The following SLC25A48 variants were observed in gnomAD, a reference collection of about 807,000 sequenced individuals.
SLC25A48 encodes the protein CTC-321K16.1.
A neutral mutation model predicts 32.2 loss-of-function variants in SLC25A48; 29 were observed. The observed-to-expected ratio is 0.90, with a 90% CI of 0.67 to 1.23. SLC25A48 has a LOEUF of 1.23. Ranked by LOEUF, SLC25A48 falls within the 50% of genes most tolerant of loss-of-function variation. SLC25A48 has a pLI of 0.00. For missense variants in SLC25A48, 399 were observed against 422.7 expected, an observed-to-expected ratio of 0.94 and a Z score of 0.49; for synonymous variants, 164 against 172.3, an observed-to-expected ratio of 0.95 and a Z score of 0.38.
intron 3 of SLC25A48, among the ~76,000 whole-genome samples, chr5:135,704,587 GT>G (rs1754466706): frequency 6.6e-6 from 1 of 152,110 alleles, no homozygotes; most frequent in Non-Finnish European, 1.5e-5. Flanking sequence ...TTTATTATTT[GT>G]TTGTTTAATA....
chr5:135,603,749 T>C (rs1479981245), intron 1 of SLC25A48, among the ~76,000 whole-genome samples: 1 of 152,204 alleles, frequency 6.6e-6, no homozygotes, highest in Non-Finnish European at 1.5e-5. Context: ...GGAGAAGGCG[T>C]TCCTTTAGCA....
At position 135,886,588 on chromosome 5, in the gene SLC25A48, AATATATATATATATATAT is replaced by A. The variant is rs147005349; in HGVS notation, c.*8-1412_*8-1395del. Among the ~76,000 whole-genome samples the A allele has an allele frequency of 3.1e-4, 11 of 35,444 alleles. No individual in the cohort carries two copies. The East Asian group carries it at 4.3e-3, about 14-fold the overall frequency. 23.3% of individuals were successfully genotyped at this position (35,444 alleles called of 152,430 possible). On this transcript the variant is annotated intron_variant, in intron 7 of 7. Transcript: ENST00000681962. ...AACACATTATGGTTCTATTTAACCAAATATATATATATATATATATATATATATATATATATATATATA... is the reference window on the plus strand; with the variant it reads ...AACACATTATGGTTCTATTTAACCAAATATATATATATATATATATATATA...
chr5:135,858,007 A>G (rs566781997), intron 4 of SLC25A48, among the ~76,000 whole-genome samples: 1 of 152,282 alleles, frequency 6.6e-6, no homozygotes, highest in African/African-American at 2.4e-5. Context: ...TCCTTCCACC[A>G]TGGGGAGGTG....
intron 3 of SLC25A48, among the ~76,000 whole-genome samples, chr5:135,661,471 A>G (rs549194986): frequency 1.3e-5 from 2 of 152,188 alleles, no homozygotes; most frequent in South Asian, 4.1e-4. Context: ...AGCCTTGGGT[A>G]AGGTGAGCAA....
At chr5:135,759,014 TGAATAA>T (rs1755996237) in intron 3 of SLC25A48, among the ~76,000 whole-genome samples, 1 of 151,738 alleles carries the variant, frequency 6.6e-6, no homozygotes, top group Non-Finnish European at 1.5e-5. Flanking sequence ...ATCTATGGTA[TGAATAA>T]TATCAAGTGT....
chr5:135,866,032 A>G (rs929348582), intron 4 of SLC25A48, among the ~76,000 whole-genome samples: 4 of 152,176 alleles, frequency 2.6e-5, no homozygotes, highest in Admixed American at 6.5e-5. Flanking sequence ...GTGCCTTGAA[A>G]TGACTCCCAC....
chr5:135,743,472 C>A (rs1391632695), intron 3 of SLC25A48, among the ~76,000 whole-genome samples: 2 of 152,040 alleles, frequency 1.3e-5, no homozygotes, highest in African/African-American at 4.8e-5. Flanking sequence ...GACAGCCCCC[C>A]ACAACAAAGA....
chr5:135,821,945 C>T (rs1374351812), intron 4 of SLC25A48: 1 of 152,312 alleles, frequency 6.6e-6, no homozygotes, highest in Non-Finnish European at 1.5e-5. Context: ...TCACTAGAGA[C>T]TGTGAGTGGC....
chr5:135,615,028 C>T (rs1752154710), intron 1 of SLC25A48, among the ~76,000 whole-genome samples: 1 of 152,232 alleles, frequency 6.6e-6, no homozygotes. Flanking sequence ...GCCATGCTTC[C>T]TGTGCAGCCT....
At chr5:135,732,268 G>A (rs1237616295) in intron 3 of SLC25A48, among the ~76,000 whole-genome samples, 1 of 152,160 alleles carries the variant, frequency 6.6e-6, no homozygotes, top group Non-Finnish European at 1.5e-5. Flanking sequence ...AAACTGCTTG[G>A]GTGATTTGAC....
chr5:135,787,005 T>C (rs1756864640), intron 3 of SLC25A48, among the ~76,000 whole-genome samples: 1 of 152,056 alleles, frequency 6.6e-6, no homozygotes, highest in African/African-American at 2.4e-5. Flanking sequence ...TGTGATATTA[T>C]TTGTACTCTC....
intron 4 of SLC25A48, among the ~76,000 whole-genome samples, chr5:135,864,730 GT>G (rs1761060430): frequency 6.6e-6 from 1 of 152,216 alleles, no homozygotes; most frequent in African/African-American, 2.4e-5. Flanking sequence ...TCAAACAGTT[GT>G]CCCACATAGT....
At chr5:135,713,059 T>G (rs529603694) in intron 3 of SLC25A48, among the ~76,000 whole-genome samples, 11 of 152,314 alleles carry the variant, frequency 7.2e-5, no homozygotes, top group Non-Finnish European at 1.6e-4. Context: ...TAACGAACAG[T>G]GATCGCTCAG....
intron 1 of SLC25A48, among the ~76,000 whole-genome samples, chr5:135,615,813 C>G (rs1752172512): frequency 6.6e-6 from 1 of 152,208 alleles, no homozygotes; most frequent in South Asian, 2.1e-4. Flanking sequence ...TTTGAGGCAG[C>G]CCCTCTCATC....
At chr5:135,742,850 A>C (rs1755529548) in intron 3 of SLC25A48, among the ~76,000 whole-genome samples, 1 of 151,868 alleles carries the variant, frequency 6.6e-6, no homozygotes, top group Non-Finnish European at 1.5e-5. Flanking sequence ...GACTGTCTGA[A>C]GCTTTCAGTG....
At chr5:135,829,399 G>C (rs1561513580) in intron 4 of SLC25A48, among the ~76,000 whole-genome samples, 1 of 152,032 alleles carries the variant, frequency 6.6e-6, no homozygotes, top group African/African-American at 2.4e-5. Flanking sequence ...TCAGATGTCC[G>C]CAGAGCCAGC....
chr5:135,638,209 G>A (rs902571655), intron 3 of SLC25A48, among the ~76,000 whole-genome samples: 3 of 151,916 alleles, frequency 2.0e-5, no homozygotes, highest in African/African-American at 7.3e-5. Context: ...ACTATGCTTT[G>A]GTATTGAAAT....
Position 135,638,285 on chromosome 5 carries a change from G to A in SLC25A48, c.-521+3329G>A, listed in dbSNP as rs189853140. Among the ~76,000 whole-genome samples the A allele has an allele frequency of 2.3e-3, 355 of 152,254 alleles. 3 individuals carry two copies. Among genetic ancestry groups the A allele is most frequent in the African/African-American group, 8.2e-3 (341 of 41,534 alleles). ...ACAAATATTAATATTTGTCACTGGA[G>A]AAATAACCGAAATTCTGTATTTTCT... On this transcript the variant is annotated intron_variant, in intron 3 of 10. Transcript: ENST00000646290.
chr5:135,600,538 G>A (rs1297085601), intron 1 of SLC25A48, among the ~76,000 whole-genome samples: 1 of 152,106 alleles, frequency 6.6e-6, no homozygotes, highest in East Asian at 1.9e-4. Flanking sequence ...CCCTTTTGTA[G>A]TGTTCACTTC....
Sources: allele counts gnomAD v4.1 joint callset (sites outside exome capture counted in the v4.1 genomes callset), GRCh38; gene constraint gnomAD v4.1.1; transcripts MANE v1.5; gene names NCBI Gene and HGNC (gene_info 2026-07-23, HGNC 2026-07-21).